The following PDS5B variants were observed in gnomAD, a reference collection of about 807,000 sequenced individuals.
PDS5B encodes the protein sister chromatid cohesion protein PDS5 homolog B.
PDS5B carries 51 observed loss-of-function variants against 184.1 expected under a neutral mutation model. The observed-to-expected ratio is 0.28, with a 90% CI of 0.22 to 0.35. The LOEUF (loss-of-function observed/expected upper bound fraction) is 0.35. Among genes scored for constraint, PDS5B ranks in the 10% least tolerant of loss-of-function variants. PDS5B has a pLI of 1.00. For missense variants in PDS5B, 1,180 were observed against 1,723.3 expected (o/e 0.68, Z 5.58); for synonymous variants, 566 against 569.2 (o/e 0.99, Z 0.08).
chr13:32,619,449 A>G (rs1214779906), intron 1 of PDS5B, among the ~76,000 whole-genome samples: 1 of 152,208 alleles, frequency 6.6e-6, no homozygotes, highest in Non-Finnish European at 1.5e-5. Context: ...TACAGTAAAA[A>G]TATGATGGAT....
intron 19 of PDS5B, among the ~76,000 whole-genome samples, chr13:32,716,816 C>T (rs1201043736): frequency 1.5e-5 from 2 of 137,142 alleles, no homozygotes; most frequent in Non-Finnish European, 3.3e-5. Context: ...CCCTGCCCGG[C>T]CAGCCGCCCT....
intron 14 of PDS5B, among the ~76,000 whole-genome samples, chr13:32,695,568 TCTTA>T (rs879328633): frequency 1.3e-5 from 2 of 152,012 alleles, no homozygotes; most frequent in African/African-American, 4.8e-5. Context: ...TTTAAGATGT[TCTTA>T]CTTACATGTA....
chr13:32,596,932 C>G (rs761394428), intron 1 of PDS5B, among the ~76,000 whole-genome samples: 1 of 152,024 alleles, frequency 6.6e-6, no homozygotes, highest in Admixed American at 6.6e-5. Flanking sequence ...TGTTTTGTAG[C>G]TTGCCTTATC....
At chr13:32,732,595 A>C (rs2140952244) in intron 20 of PDS5B, among the ~76,000 whole-genome samples, 1 of 152,262 alleles carries the variant, frequency 6.6e-6, no homozygotes, top group East Asian at 1.9e-4. Context: ...GAAACTATTG[A>C]AGTGTAAGGT....
chr13:32,757,507 A>G (rs1176345273), intron 26 of PDS5B, among the ~76,000 whole-genome samples: 2 of 150,686 alleles, frequency 1.3e-5, no homozygotes, highest in Non-Finnish European at 3.0e-5. Context: ...AAACACTTTC[A>G]TTTTGTATTG....
intron 1 of PDS5B, among the ~76,000 whole-genome samples, chr13:32,646,370 T>TTG (rs1950226482): frequency 4.2e-4 from 1 of 2,392 alleles, no homozygotes; most frequent in South Asian, 0.023. Context: ...CATGGCTGTG[T>TTG]TTTTTTTTTT....
At position 32,773,058 on chromosome 13, in the gene PDS5B, A is replaced by T. The variant is rs747046309; in HGVS notation, c.4173-131A>T. On this transcript the variant is annotated intron_variant, in intron 33 of 34. Transcript: ENST00000315596. ...GTTTAGGATTCAGAATATTAAAGAA[A>T]TGTTCTTGTCTCATAAAGTAACTGA... The T allele has an allele frequency of 1.3e-4, 89 of 688,164 alleles. 1 individual carries two copies. The Middle Eastern group carries it at 1.6e-3, about 13-fold the overall frequency. The allele number at this position is 688,164 out of a possible 1,614,324, so 42.6% of individuals were successfully genotyped here.
Position 32,595,590 on chromosome 13 carries a change from A to C in PDS5B, c.-20+8997A>C, listed in dbSNP as rs554948683. ...ACAGAGTCTGTGAGAAGGAGAAAGA[A>C]CCACCATGCATTCCCTAAAAGAAGA... On this transcript the variant is annotated intron_variant, in intron 1 of 34. Transcript: ENST00000315596. 3.3e-5 allele frequency among the ~76,000 whole-genome samples: 5 copies of C among 152,364 alleles called. No individual in the cohort carries two copies. In the South Asian group the frequency reaches 1.0e-3, roughly 32 times the overall value.
At chr13:32,665,739 A>G (rs925277969) in intron 6 of PDS5B, among the ~76,000 whole-genome samples, 2 of 152,160 alleles carry the variant, frequency 1.3e-5, no homozygotes, top group Admixed American at 6.5e-5. Context: ...ATTTGTGGTA[A>G]CCAATATATG....
chr13:32,742,768 A>G lies in PDS5B; in HGVS notation c.2612+41A>G, dbSNP rs749964464. On this transcript the variant is annotated intron_variant, in intron 23 of 34. Coordinates refer to ENST00000315596, the MANE Select transcript of PDS5B (RefSeq NM_015032.4). ...TTCACAGTTCTTTGGATTGCATAAT[A>G]TTTCAGCTCTTGGTGTAACTGTTCA... The G allele has an allele frequency of 1.7e-5, 26 of 1,571,916 alleles. No individual in the cohort carries two copies. In the African/African-American group the frequency reaches 3.0e-4, roughly 18 times the overall value.
chr13:32,723,280 A>G (rs1952781578), intron 19 of PDS5B, among the ~76,000 whole-genome samples: 1 of 152,198 alleles, frequency 6.6e-6, no homozygotes, highest in South Asian at 2.1e-4. Context: ...GTCTAGAGAA[A>G]TTTTAGGAGT....
chr13:32,639,775 A>G (rs1456099137), intron 1 of PDS5B, among the ~76,000 whole-genome samples: 2 of 152,226 alleles, frequency 1.3e-5, no homozygotes, highest in Admixed American at 6.5e-5. Context: ...ACTCTTTACA[A>G]AATCTTATGT....
At chr13:32,716,954 G>T (rs1194201626) in intron 19 of PDS5B, among the ~76,000 whole-genome samples, 3 of 104,036 alleles carry the variant, frequency 2.9e-5, no homozygotes, top group Non-Finnish European at 6.1e-5. Context: ...CAGCCACCCC[G>T]TCCGGGAGGG....
At chr13:32,694,173 A>T (rs1951633392) in intron 13 of PDS5B, 50 bp from the exon 14 acceptor site, 1 of 1,254,744 alleles carries the variant, frequency 8.0e-7, no homozygotes, top group African/African-American at 1.5e-5. Flanking sequence ...TATTCTAGAA[A>T]GATTTTTATT....
chr13:32,613,652 T>A lies in PDS5B; in HGVS notation c.-20+27059T>A, dbSNP rs200906860. On this transcript the variant is annotated intron_variant, in intron 1 of 34. Coordinates refer to ENST00000315596, the MANE Select transcript of PDS5B (RefSeq NM_015032.4). ...AGATACAAGTGCCTTATCATATATA[T>A]GATGTGTATGAATGTTCTCCCATTC... Among the ~76,000 whole-genome samples the A allele has an allele frequency of 9.2e-5, 14 of 152,360 alleles. No individual in the cohort carries two copies. The South Asian group carries it at 2.1e-3, about 23-fold the overall frequency.
intron 31 of PDS5B, among the ~76,000 whole-genome samples, chr13:32,765,425 AT>A (rs1293056587): frequency 7.9e-5 from 12 of 152,174 alleles, no homozygotes; most frequent in Admixed American, 3.9e-4. Flanking sequence ...AATCTACGTG[AT>A]TAAGAGAGGT....
At chr13:32,587,387 A>G (rs2140450070) in intron 1 of PDS5B, among the ~76,000 whole-genome samples, 1 of 152,296 alleles carries the variant, frequency 6.6e-6, no homozygotes, top group East Asian at 1.9e-4. Context: ...CTTTCCTTTC[A>G]GAAGGAACGG....
At chr13:32,652,542 A>G (rs1021749935) in intron 3 of PDS5B, 1 of 148,854 alleles carries the variant, frequency 6.7e-6, no homozygotes, top group Non-Finnish European at 1.5e-5. Flanking sequence ...GTTTGAGGAC[A>G]GCTTGGGCAA....
intron 31 of PDS5B, among the ~76,000 whole-genome samples, chr13:32,766,050 A>T (rs988297087): frequency 1.3e-5 from 2 of 152,260 alleles, no homozygotes; most frequent in Admixed American, 1.3e-4. Flanking sequence ...TTTACAGAAG[A>T]AAATCCTTGA....
Sources: gnomAD v4.1 joint callset for allele counts (sites outside exome capture counted in the v4.1 genomes callset) on GRCh38, gnomAD v4.1.1 for gene constraint, MANE v1.5 for transcripts, NCBI Gene and HGNC (gene_info 2026-07-23, HGNC 2026-07-21) for gene names.